The following THSD4 variants were observed in gnomAD, a reference collection of about 807,000 sequenced individuals.
The protein encoded by THSD4 is thrombospondin type 1 domain containing 4.
THSD4 carries 69 observed loss-of-function variants against 119.0 expected under a neutral mutation model. The ratio of observed to expected loss-of-function variants is 0.58; its 90% CI spans 0.48 to 0.71. THSD4 has a LOEUF of 0.71. Ranked by LOEUF, THSD4 falls within the 30% of genes least tolerant of loss-of-function variation. The pLI, the probability that THSD4 is intolerant of heterozygous loss-of-function variation, is 0.00. For missense variants in THSD4, 1,393 were observed against 1,391.1 expected (o/e 1.00, Z -0.02); for synonymous variants, 524 against 540.4 (o/e 0.97, Z 0.42).
chr15:71,147,438 G>A (rs1567137967), intron 2 of THSD4, among the ~76,000 whole-genome samples: 1 of 152,002 alleles, frequency 6.6e-6, no homozygotes, highest in Non-Finnish European at 1.5e-5. Flanking sequence ...TTAAACCCCT[G>A]GACAGCAACA....
intron 8 of THSD4, among the ~76,000 whole-genome samples, chr15:71,708,981 G>A (rs1389527049): frequency 6.6e-6 from 1 of 152,196 alleles, no homozygotes; most frequent in Non-Finnish European, 1.5e-5. Flanking sequence ...CCTGCTGTGA[G>A]GTCCCGTCCC....
chr15:71,502,408 G>A (rs942549136), intron 7 of THSD4, among the ~76,000 whole-genome samples: 1 of 152,164 alleles, frequency 6.6e-6, no homozygotes, highest in Non-Finnish European at 1.5e-5. Context: ...AACTTTTATG[G>A]TAGAAAACAA....
chr15:71,290,408 A>C (rs2044773829), intron 6 of THSD4, among the ~76,000 whole-genome samples: 1 of 148,614 alleles, frequency 6.7e-6, no homozygotes, highest in Non-Finnish European at 1.5e-5. Context: ...CCAGGCTTTC[A>C]TTTGTATGTC....
At chr15:71,355,647 G>A (rs1380943405) in intron 6 of THSD4, among the ~76,000 whole-genome samples, 2 of 152,118 alleles carry the variant, frequency 1.3e-5, no homozygotes, top group African/African-American at 4.8e-5. Flanking sequence ...GAGGCTGCAG[G>A]CTTGGCCCCT....
intron 6 of THSD4, among the ~76,000 whole-genome samples, chr15:71,371,836 G>A (rs1212601229): frequency 3.9e-5 from 6 of 152,166 alleles, no homozygotes. Context: ...GCCTTGCTAG[G>A]TTGGGGAAGT....
chr15:71,574,751 C>T (rs1476108791), intron 7 of THSD4, among the ~76,000 whole-genome samples: 2 of 152,078 alleles, frequency 1.3e-5, no homozygotes, highest in Non-Finnish European at 2.9e-5. Context: ...CATACATGAC[C>T]GTGATCATCT....
At chr15:71,399,943 G>A (rs752905408) in intron 6 of THSD4, among the ~76,000 whole-genome samples, 4 of 152,150 alleles carry the variant, frequency 2.6e-5, no homozygotes, top group Non-Finnish European at 4.4e-5. Flanking sequence ...ATAGAAAATT[G>A]AGCCAATGAT....
chr15:71,644,532 T>G (rs1361899224), intron 7 of THSD4, among the ~76,000 whole-genome samples: 1 of 152,088 alleles, frequency 6.6e-6, no homozygotes, highest in Non-Finnish European at 1.5e-5. Context: ...CAAAAAAAAA[T>G]TCAAATTTGA....
chr15:71,100,082 T>A (rs943606036), intron 1 of THSD4, among the ~76,000 whole-genome samples: 1 of 152,260 alleles, frequency 6.6e-6, no homozygotes, highest in Non-Finnish European at 1.5e-5. Context: ...ATTCAGTCTC[T>A]GTCTTTTAAC....
intron 6 of THSD4, among the ~76,000 whole-genome samples, chr15:71,298,500 C>T (rs939204306): frequency 6.6e-6 from 1 of 150,974 alleles, no homozygotes; most frequent in African/African-American, 2.4e-5. Context: ...TATCTGGTGT[C>T]TCTATTCTTT....
intron 10 of THSD4, among the ~76,000 whole-genome samples, chr15:71,736,521 C>G (rs969385403): frequency 2.0e-5 from 3 of 151,888 alleles, no homozygotes; most frequent in African/African-American, 4.8e-5. Flanking sequence ...CTATCTGTGT[C>G]TCTGTCTCTC....
At chr15:71,581,497 G>C (rs1444816213) in intron 7 of THSD4, among the ~76,000 whole-genome samples, 2 of 151,988 alleles carry the variant, frequency 1.3e-5, no homozygotes, top group Non-Finnish European at 2.9e-5. Context: ...TTTCCATTTT[G>C]TTGATTGTTT....
chr15:71,236,214 C>T (rs1187862166), intron 4 of THSD4, among the ~76,000 whole-genome samples: 1 of 152,220 alleles, frequency 6.6e-6, no homozygotes, highest in African/African-American at 2.4e-5. Flanking sequence ...ACAAAACAGC[C>T]TGGCTCCGGA....
At chr15:71,468,897 C>T (rs533431621) in intron 7 of THSD4, among the ~76,000 whole-genome samples, 1 of 152,352 alleles carries the variant, frequency 6.6e-6, no homozygotes, top group African/African-American at 2.4e-5. Flanking sequence ...TGCTCCCATC[C>T]TATTTGCCAG....
At chr15:71,241,373 C>G (rs1233422449) in intron 4 of THSD4, among the ~76,000 whole-genome samples, 1 of 152,176 alleles carries the variant, frequency 6.6e-6, no homozygotes, top group Non-Finnish European at 1.5e-5. Context: ...TTTTCTGATC[C>G]CTTCAGACAG....
At chr15:71,613,325 A>G (rs1239185631) in intron 7 of THSD4, among the ~76,000 whole-genome samples, 1 of 152,204 alleles carries the variant, frequency 6.6e-6, no homozygotes, top group Non-Finnish European at 1.5e-5. Context: ...ATTTGGTATC[A>G]TTTAACATTT....
intron 8 of THSD4, among the ~76,000 whole-genome samples, chr15:71,691,370 C>T (rs2052045802): frequency 6.6e-6 from 1 of 152,198 alleles, no homozygotes; most frequent in African/African-American, 2.4e-5. Context: ...ACTCACCTTC[C>T]TTTATCATCA....
chr15:71,132,972 G>T (rs2040517341), intron 1 of THSD4, among the ~76,000 whole-genome samples: 1 of 152,212 alleles, frequency 6.6e-6, no homozygotes, highest in East Asian at 1.9e-4. Flanking sequence ...CAAGGCAGCT[G>T]GAGAATATTG....
chr15:71,117,599 C>T (rs771343337), intron 1 of THSD4, among the ~76,000 whole-genome samples: 1 of 152,186 alleles, frequency 6.6e-6, no homozygotes, highest in South Asian at 2.1e-4. Context: ...ATTCCCACTG[C>T]CCCCACCTTC....
Sources: gnomAD v4.1 joint callset for allele counts (sites outside exome capture counted in the v4.1 genomes callset) on GRCh38, gnomAD v4.1.1 for gene constraint, MANE v1.5 for transcripts, NCBI Gene and HGNC (gene_info 2026-07-23, HGNC 2026-07-21) for gene names.